RHOT1: variants seen among roughly 807,000 people sequenced by gnomAD.
RHOT1 encodes the protein mitochondrial Rho GTPase 1.
RHOT1 carries 27 observed loss-of-function variants against 95.3 expected under a neutral mutation model. The ratio of observed to expected loss-of-function variants is 0.28; its 90% confidence interval spans 0.21 to 0.39. RHOT1 has a LOEUF of 0.39. Ranked by LOEUF, RHOT1 falls within the 10% of genes least tolerant of loss-of-function variation. RHOT1 has a pLI of 1.00. For synonymous variants in RHOT1, 227 were observed against 263.5 expected (o/e 0.86, Z 1.34); for missense variants, 578 against 786.7 (o/e 0.73, Z 3.17).
chr17:32,155,436 A>G (rs1158861255), intron 1 of RHOT1, among the ~76,000 whole-genome samples: 1 of 151,496 alleles, frequency 6.6e-6, no homozygotes, highest in African/African-American at 2.4e-5. Context: ...CTGGGATTAC[A>G]GGTTTGAGCC....
At chr17:32,168,685 T>C (rs996011735) in intron 1 of RHOT1, among the ~76,000 whole-genome samples, 2 of 151,176 alleles carry the variant, frequency 1.3e-5, no homozygotes, top group Admixed American at 1.3e-4. Context: ...GATGCATGGC[T>C]TTAGAGGTCA....
intron 8 of RHOT1, among the ~76,000 whole-genome samples, chr17:32,190,895 A>T (rs1379820783): frequency 1.3e-5 from 2 of 152,170 alleles, no homozygotes; most frequent in African/African-American, 2.4e-5. Flanking sequence ...TCCCGGGTTC[A>T]AGCGATTCTC....
rs562337093 is a variant in RHOT1, at chr17:32,167,023, G to A, written c.38-4020G>A. On this transcript the variant is annotated intron_variant, in intron 1 of 19. Transcript: ENST00000545287. ...GCAGCTATATATAGGCTTACACAAT[G>A]TAAATAGTAAGCCTAAATAATAAGG... is the stretch of plus-strand genomic sequence containing the variant. Among the ~76,000 whole-genome samples, 4 of 152,278 alleles carry A rather than the reference G, an allele frequency of 2.6e-5. No homozygotes were observed. In the South Asian group the frequency reaches 6.2e-4, roughly 24 times the overall value.
At chr17:32,207,995 C>A in intron 17 of RHOT1, 112 bp from the exon 18 acceptor site, 1 of 910,094 alleles carries the variant, frequency 1.1e-6, no homozygotes, top group Non-Finnish European at 1.7e-6. Context: ...CACTTTTTCG[C>A]TTTGAAACTA....
At chr17:32,146,491 G>C (rs181179853) in intron 1 of RHOT1, among the ~76,000 whole-genome samples, 122 of 151,634 alleles carry the variant, frequency 8.0e-4, no homozygotes, top group African/African-American at 2.9e-3. Flanking sequence ...TGTCGCCCAG[G>C]CTGGAGTGCA....
rs1268439837 is a variant in RHOT1 at position 32,202,798 on chromosome 17, G to GA, written c.1236dup (p.Gln413ThrfsTer10). The GA allele has an allele frequency of 6.2e-7, 1 of 1,602,728 alleles. No individual in the cohort carries two copies. Among genetic ancestry groups the GA allele is most frequent in the Non-Finnish European group, 8.5e-7 (1 of 1,173,270 alleles). The stretch of plus-strand genomic sequence containing the variant: ...CAAGAGATAAAAAGATAGACCTGCA[G>GA]AAAAAACAAACTCAAAGAAATGTGT... On this transcript the variant is annotated frameshift_variant, in exon 15 of 20. Transcript: ENST00000545287. LOFTEE classifies it high-confidence loss of function.
chr17:32,165,202 T>C (rs2033948550), intron 1 of RHOT1, among the ~76,000 whole-genome samples: 1 of 151,762 alleles, frequency 6.6e-6, no homozygotes, highest in African/African-American at 2.4e-5. Context: ...CTGGGCACGG[T>C]GGCAGGTGCC....
Position 32,218,980 on chromosome 17 carries a change from G to T in RHOT1, c.1863-5636G>T, listed in dbSNP as rs12946362. Among the ~76,000 whole-genome samples, 981 of 152,150 alleles carry T rather than the reference G, an allele frequency of 6.4e-3. 14 individuals carry two copies. Among genetic ancestry groups the T allele is most frequent in the African/African-American group, 0.021 (891 of 41,502 alleles). ...TATTACAGTTATATTGGTTGTTTTA[G>T]GGTATTATCTTAAAAATCTATACCT... On this transcript the variant is annotated intron_variant, in intron 19 of 19. Transcript: ENST00000545287.
intron 1 of RHOT1, among the ~76,000 whole-genome samples, chr17:32,149,752 C>CATATAT (rs988490436): frequency 2.1e-5 from 3 of 143,112 alleles, no homozygotes; most frequent in Non-Finnish European, 4.5e-5. Flanking sequence ...CACACACACA[C>CATATAT]ATATATATAT....
At chr17:32,150,732 G>A (rs1598283096) in intron 1 of RHOT1, 1 of 1,603,042 alleles carries the variant, frequency 6.2e-7, no homozygotes, top group East Asian at 2.2e-5. Context: ...CAGGAACTGA[G>A]GCCACCAGCC....
intron 1 of RHOT1, among the ~76,000 whole-genome samples, chr17:32,162,673 C>G (rs1353068071): frequency 6.6e-6 from 1 of 152,064 alleles, no homozygotes; most frequent in East Asian, 1.9e-4. Flanking sequence ...GGCCCTTTTC[C>G]CATTCATGTA....
intron 19 of RHOT1, among the ~76,000 whole-genome samples, chr17:32,219,750 C>T (rs1012158641): frequency 1.3e-5 from 2 of 152,172 alleles, no homozygotes; most frequent in African/African-American, 4.8e-5. Flanking sequence ...GCCAGAAAGC[C>T]AACATCCCAG....
intron 4 of RHOT1, 86 bp from the exon 5 acceptor site, chr17:32,175,876 C>A: frequency 2.3e-6 from 2 of 856,612 alleles, no homozygotes; most frequent in Non-Finnish European, 3.4e-6. Flanking sequence ...TTCCTTTCAC[C>A]CGAATATATT....
chr17:32,146,715 C>T (rs1401882297), intron 1 of RHOT1, among the ~76,000 whole-genome samples: 4 of 148,498 alleles, frequency 2.7e-5, no homozygotes, highest in African/African-American at 1.0e-4. Context: ...TCCTCGGCCT[C>T]CCAAAGTGCT....
At chr17:32,186,364 ATTTT>A (rs141880248) in intron 8 of RHOT1, among the ~76,000 whole-genome samples, 1 of 128,200 alleles carries the variant, frequency 7.8e-6, no homozygotes, top group African/African-American at 2.9e-5. Context: ...GTCCTTTCCC[ATTTT>A]TTTTTTTTTT....
chr17:32,190,683 A>G (rs1317636404), intron 8 of RHOT1, among the ~76,000 whole-genome samples: 2 of 152,220 alleles, frequency 1.3e-5, no homozygotes, highest in Non-Finnish European at 2.9e-5. Flanking sequence ...AATGACTAAC[A>G]GGATCACATT....
chr17:32,210,239 G>A (rs2038034564), intron 18 of RHOT1, among the ~76,000 whole-genome samples: 2 of 152,138 alleles, frequency 1.3e-5, no homozygotes, highest in Admixed American at 1.3e-4. Flanking sequence ...CTTCATGGGT[G>A]GTGTGATGGC....
chr17:32,215,492 C>T (rs890288367), intron 19 of RHOT1, among the ~76,000 whole-genome samples: 1 of 152,072 alleles, frequency 6.6e-6, no homozygotes, highest in Non-Finnish European at 1.5e-5. Context: ...ATATATGGAA[C>T]CTGCCTTTAA....
Sources: allele counts gnomAD v4.1 joint callset (sites outside exome capture counted in the v4.1 genomes callset), GRCh38; gene constraint gnomAD v4.1.1; transcripts MANE v1.5; gene names NCBI Gene and HGNC (gene_info 2026-07-23, HGNC 2026-07-21).